The following NCKAP1 variants were observed in gnomAD, a reference collection of about 807,000 sequenced individuals.
NCKAP1 encodes the protein nck-associated protein 1.
A neutral mutation model predicts 151.2 loss-of-function variants in NCKAP1; 21 were observed. The observed-to-expected ratio is 0.14, with a 90% CI of 0.10 to 0.20. The LOEUF (loss-of-function observed/expected upper bound fraction) is 0.20. NCKAP1 is among the 10% of genes least tolerant of loss of function. NCKAP1 has a pLI of 1.00. For missense variants in NCKAP1, 933 were observed against 1,352.1 expected, an observed-to-expected ratio of 0.69 and a Z score of 4.86; for synonymous variants, 484 against 451.8, an observed-to-expected ratio of 1.07 and a Z score of -0.90.
At chr2:182,992,267 A>G (rs1236860062) in intron 8 of NCKAP1, among the ~76,000 whole-genome samples, 1 of 152,238 alleles carries the variant, frequency 6.6e-6, no homozygotes, top group Non-Finnish European at 1.5e-5. Context: ...CCTAACCTCC[A>G]GATTAGCTCT....
At chr2:182,962,779 A>C (rs1184482570) in intron 17 of NCKAP1, among the ~76,000 whole-genome samples, 1 of 151,924 alleles carries the variant, frequency 6.6e-6, no homozygotes, top group African/African-American at 2.4e-5. Flanking sequence ...TAGAAAGTCC[A>C]AGGCATTCAA....
rs1451101499 is a variant in NCKAP1 at position 182,995,038 on chromosome 2, T to G, written c.742-151A>C. ...AAATTTGAAGAGCTGGATAAAAGTT[T>G]TATTACCTATACTGAAACTTGCAGT... On this transcript the variant is annotated intron_variant, in intron 7 of 30. Coordinates refer to ENST00000361354, the MANE Select transcript of NCKAP1 (RefSeq NM_013436.5). 9.4e-6 allele frequency: 6 copies of G among 638,636 alleles called. No individual in the cohort carries two copies. The Admixed American group carries it at 1.5e-4, about 16-fold the overall frequency. The allele number at this position is 638,636 out of a possible 1,614,324, so 39.6% of individuals were successfully genotyped here.
intron 8 of NCKAP1, among the ~76,000 whole-genome samples, chr2:182,994,239 A>G (rs1199803671): frequency 1.3e-5 from 2 of 152,224 alleles, no homozygotes; most frequent in Non-Finnish European, 2.9e-5. Context: ...TTATGTTGAA[A>G]GGCAATATAA....
intron 1 of NCKAP1, among the ~76,000 whole-genome samples, chr2:183,029,795 C>T (rs1698970225): frequency 7.0e-6 from 1 of 141,876 alleles, no homozygotes; most frequent in Admixed American, 7.3e-5. Flanking sequence ...CAAACTCCAG[C>T]CTAGGCAAGA....
chr2:182,975,971 G>A (rs1179712103), intron 15 of NCKAP1, among the ~76,000 whole-genome samples: 1 of 152,008 alleles, frequency 6.6e-6, no homozygotes, highest in Non-Finnish European at 1.5e-5. Flanking sequence ...ACAGTACATA[G>A]TACTATCTAA....
intron 15 of NCKAP1, among the ~76,000 whole-genome samples, chr2:182,968,995 G>C (rs1697631672): frequency 6.6e-6 from 1 of 152,202 alleles, no homozygotes; most frequent in South Asian, 2.1e-4. Context: ...TCAATATTCT[G>C]ATGACAAAAT....
At chr2:183,008,311 A>G (rs1698520398) in intron 2 of NCKAP1, among the ~76,000 whole-genome samples, 2 of 152,360 alleles carry the variant, frequency 1.3e-5, no homozygotes, top group South Asian at 2.1e-4. Flanking sequence ...GCACGTGAAG[A>G]ATACAGGTGA....
chr2:183,037,264 T>C (rs1699120326), intron 1 of NCKAP1, among the ~76,000 whole-genome samples: 1 of 152,164 alleles, frequency 6.6e-6, no homozygotes, highest in Admixed American at 6.5e-5. Flanking sequence ...ACACCGAACT[T>C]TAAGAAATGG....
intron 23 of NCKAP1, among the ~76,000 whole-genome samples, chr2:182,948,027 A>G (rs1185302617): frequency 6.6e-6 from 1 of 152,154 alleles, no homozygotes; most frequent in African/African-American, 2.4e-5. Flanking sequence ...AAACAAAATC[A>G]CTATAAAACA....
At chr2:183,025,031 C>T (rs768954884) in intron 1 of NCKAP1, 51 of 1,600,258 alleles carry the variant, frequency 3.2e-5, no homozygotes, top group Non-Finnish European at 4.0e-5. Flanking sequence ...GAGAAAATTA[C>T]GTGTAAACAA....
intron 1 of NCKAP1, among the ~76,000 whole-genome samples, chr2:183,028,111 T>A (rs1698932297): frequency 6.6e-6 from 1 of 151,224 alleles, no homozygotes; most frequent in Non-Finnish European, 1.5e-5. Context: ...TCCCCCATAC[T>A]CCCAAAAATA....
At chr2:183,024,304 T>G (rs1254580653) in intron 1 of NCKAP1, among the ~76,000 whole-genome samples, 1 of 152,166 alleles carries the variant, frequency 6.6e-6, no homozygotes, top group African/African-American at 2.4e-5. Context: ...TGTTATAAAA[T>G]AAAAGCTTAT....
intron 24 of NCKAP1, among the ~76,000 whole-genome samples, chr2:182,935,835 G>C (rs1696863708): frequency 6.6e-6 from 1 of 152,090 alleles, no homozygotes; most frequent in South Asian, 2.1e-4. Context: ...AAATTGTTAA[G>C]GTCTTGAGTT....
chr2:182,978,146 T>C (rs376294146), intron 14 of NCKAP1, among the ~76,000 whole-genome samples: 7 of 152,346 alleles, frequency 4.6e-5, no homozygotes, highest in African/African-American at 9.6e-5. Flanking sequence ...TTAGTTTCAT[T>C]ACTTAGATGT....
chr2:182,995,648 A>AT (rs2105868827), intron 7 of NCKAP1, 53 bp downstream of exon 7: 5 of 1,542,422 alleles, frequency 3.2e-6, no homozygotes, highest in South Asian at 1.2e-5. Flanking sequence ...CTGAACTATT[A>AT]TTTTTTTAAA....
intron 2 of NCKAP1, among the ~76,000 whole-genome samples, chr2:183,009,792 CA>C (rs972672694): frequency 1.3e-5 from 2 of 152,148 alleles, no homozygotes; most frequent in African/African-American, 4.8e-5. Context: ...GATACAGAAA[CA>C]GACCAGAAAA....
At chr2:182,943,704 T>A (rs890355970) in intron 23 of NCKAP1, among the ~76,000 whole-genome samples, 1 of 152,174 alleles carries the variant, frequency 6.6e-6, no homozygotes, top group Non-Finnish European at 1.5e-5. Context: ...TACTGATATA[T>A]GTTTAATAAT....
chr2:182,967,287 T>G lies in NCKAP1; in HGVS notation c.1557A>C (p.Ile519=), dbSNP rs769368850. ...HRELGKMMNT[I]IFHTKMVDSL... ...AATCTACCATTTTTGTATGAAAAAT[T>G]ATTGTATTCATCATCTTTCCAAGTT... The change falls in exon 16 of 31, where the codon ATA becomes ATC. Residue 519 remains isoleucine (I), a synonymous_variant. Coordinates refer to ENST00000361354, the MANE Select transcript of NCKAP1 (RefSeq NM_013436.5). The G allele has an allele frequency of 1.2e-6, 2 of 1,611,852 alleles. No individual in the cohort carries two copies. Among genetic ancestry groups the G allele is most frequent in the South Asian group, 2.2e-5 (2 of 90,752 alleles).
chr2:182,975,795 T>C (rs2105847464), intron 15 of NCKAP1, among the ~76,000 whole-genome samples: 1 of 152,136 alleles, frequency 6.6e-6, no homozygotes, highest in South Asian at 2.1e-4. Flanking sequence ...GTCCCAGCTA[T>C]TCAGGAGGCT....
Sources: allele counts gnomAD v4.1 joint callset (sites outside exome capture counted in the v4.1 genomes callset), GRCh38; gene constraint gnomAD v4.1.1; transcripts MANE v1.5; gene names NCBI Gene and HGNC (gene_info 2026-07-23, HGNC 2026-07-21).